PRH1: variants seen among roughly 807,000 people sequenced by gnomAD.
PRH1 encodes the protein salivary acidic proline-rich phosphoprotein 1/2.
A neutral mutation model predicts 7.9 loss-of-function variants in PRH1; 7 were observed. That is an observed-to-expected ratio of 0.89 (90% CI 0.50 to 1.67). PRH1 has a LOEUF of 1.67. Ranked by LOEUF, PRH1 falls within the 40% of genes most tolerant of loss-of-function variation. The pLI, the probability that PRH1 is intolerant of heterozygous loss-of-function variation, is 0.00. For synonymous variants in PRH1, 45 were observed against 80.8 expected (o/e 0.56, Z 2.38); for missense variants, 109 against 223.6 (o/e 0.49, Z 3.27).
intron 1 of PRH1, among the ~76,000 whole-genome samples, chr12:11,031,964 A>G (rs1245849880): frequency 2.0e-5 from 3 of 152,178 alleles, no homozygotes; most frequent in Non-Finnish European, 2.9e-5. Flanking sequence ...TTTACTTTTA[A>G]TTGTTGTGAC....
At chr12:11,156,725 TAAATA>T (rs1947260020) in intron 1 of PRH1, among the ~76,000 whole-genome samples, 2 of 152,274 alleles carry the variant, frequency 1.3e-5, no homozygotes, top group African/African-American at 4.8e-5. Flanking sequence ...TTTCTATGGA[TAAATA>T]AAATACTCAT....
At chr12:10,894,286 C>T (rs1198998497) in intron 2 of PRH1, among the ~76,000 whole-genome samples, 1 of 152,068 alleles carries the variant, frequency 6.6e-6, no homozygotes, top group Non-Finnish European at 1.5e-5. Context: ...CAGTACAAGT[C>T]TGTTGTAGAT....
rs200255722 is a variant in PRH1 at position 10,940,073 on chromosome 12, TC to T, written c.-59+33581del. Among the ~76,000 whole-genome samples the T allele has an allele frequency of 1.9e-3, 284 of 152,260 alleles. 2 individuals carry two copies. The highest frequency in any genetic ancestry group is 6.4e-3 in the African/African-American group (267 of 41,520). On this transcript the variant is annotated intron_variant, in intron 2 of 3. Coordinates refer to the PRH1 transcript ENST00000539853. ...AAGTTAAGTCTGTAAAGGGACTTAT[TC>T]ATAGTTATCCAAAGCTCCTCCTACA...
At chr12:10,984,474 T>G (rs561159117) in intron 1 of PRH1, among the ~76,000 whole-genome samples, 178 of 152,284 alleles carry the variant, frequency 1.2e-3, no homozygotes, top group African/African-American at 4.0e-3. Flanking sequence ...TCCCATATAG[T>G]TAGTTTACTG....
intron 2 of PRH1, among the ~76,000 whole-genome samples, chr12:10,950,607 T>C (rs996629319): frequency 2.0e-5 from 3 of 151,820 alleles, no homozygotes; most frequent in Admixed American, 6.6e-5. Flanking sequence ...TTTCTTGAAG[T>C]TTCAAATTCT....
chr12:11,089,381 G>C lies in PRH1; in HGVS notation n.124-42193C>G, dbSNP rs567475672. On this transcript the variant is annotated intron_variant and non_coding_transcript_variant, in intron 1 of 4. Transcript: ENST00000541977. ...ATTCTCCCTCCTCTCTCACTTCCAC[G>C]GACTAATGCCAGCTGTGGTTTCCCC... is the stretch of plus-strand genomic sequence containing the variant. Among the ~76,000 whole-genome samples the C allele has an allele frequency of 4.8e-4, 55 of 115,770 alleles. 17 individuals carry two copies. Among genetic ancestry groups the C allele is most frequent in the Non-Finnish European group, 9.2e-4 (45 of 48,868 alleles). 75.9% of individuals were successfully genotyped at this position (115,770 alleles called of 152,430 possible). A position where few individuals can be genotyped will look rare whatever the true frequency, so the allele number is the denominator to read the frequency against.
At chr12:10,927,454 C>G (rs1274287010) in intron 2 of PRH1, among the ~76,000 whole-genome samples, 1 of 152,152 alleles carries the variant, frequency 6.6e-6, no homozygotes, top group East Asian at 1.9e-4. Flanking sequence ...ACCCATCAAG[C>G]CCAGCTAAAA....
intron 1 of PRH1, among the ~76,000 whole-genome samples, chr12:11,043,771 A>T (rs999899103): frequency 3.3e-5 from 5 of 152,148 alleles, no homozygotes; most frequent in Non-Finnish European, 7.4e-5. Flanking sequence ...ACTATAAAAC[A>T]CTAATGCAAG....
chr12:11,054,848 G>A (rs1333025605), intron 1 of PRH1, among the ~76,000 whole-genome samples: 2 of 118,200 alleles, frequency 1.7e-5, no homozygotes, highest in African/African-American at 3.2e-5. Context: ...TGTCACCCAG[G>A]CTGGAGTGCA....
intron 1 of PRH1, among the ~76,000 whole-genome samples, chr12:11,056,273 C>T (rs1217394912): frequency 6.6e-6 from 1 of 152,282 alleles, no homozygotes; most frequent in Non-Finnish European, 1.5e-5. Flanking sequence ...GAAGAGTCTA[C>T]ACTTCTCTGT....
intron 1 of PRH1, among the ~76,000 whole-genome samples, chr12:11,020,834 G>A (rs1402477967): frequency 1.3e-5 from 2 of 151,972 alleles, no homozygotes; most frequent in African/African-American, 4.8e-5. Context: ...GAAATTCAGG[G>A]GCTCAAGGTG....
In PRH1 at chr12:10,903,931, C is replaced by CAAAAAAA. The variant is rs546066515; in HGVS notation, c.-58-19663_-58-19657dup. Among the ~76,000 whole-genome samples, 42 of 31,086 alleles carry CAAAAAAA rather than the reference C, an allele frequency of 1.4e-3. 2 individuals are homozygous for CAAAAAAA. Among genetic ancestry groups the CAAAAAAA allele is most frequent in the South Asian group, 2.5e-3 (1 of 406 alleles). 20.4% of individuals were successfully genotyped at this position (31,086 alleles called of 152,430 possible). Reference sequence around the variant, plus strand: ...AATGCAATCCCATTTACAATAGCCTCAAAAAAAAAAAAAAAAAAAAAAACA... The same window carrying CAAAAAAA: ...AATGCAATCCCATTTACAATAGCCTCAAAAAAAAAAAAAAAAAAAAAAAAAAAAAACA... On this transcript the variant is annotated intron_variant, in intron 2 of 3. Transcript: ENST00000539853.
intron 1 of PRH1, among the ~76,000 whole-genome samples, chr12:10,987,112 G>A (rs1939684293): frequency 6.6e-6 from 1 of 152,070 alleles, no homozygotes; most frequent in Non-Finnish European, 1.5e-5. Flanking sequence ...TTCAATGTCC[G>A]TTCTTGTGAT....
intron 1 of PRH1, among the ~76,000 whole-genome samples, chr12:11,084,232 CAAA>C: frequency 2.1e-5 from 1 of 46,790 alleles, no homozygotes; most frequent in African/African-American, 5.7e-5. Flanking sequence ...ACCCTTCTGC[CAAA>C]GTAAAGATGC....
intron 2 of PRH1, among the ~76,000 whole-genome samples, chr12:10,963,480 G>A (rs1938355141): frequency 6.6e-6 from 1 of 152,162 alleles, no homozygotes; most frequent in African/African-American, 2.4e-5. Context: ...TCATTTATGT[G>A]ATTTTTAAAA....
intron 1 of PRH1, among the ~76,000 whole-genome samples, chr12:11,105,936 C>CTTTTTTTT (rs765916131): frequency 8.4e-5 from 8 of 94,964 alleles, no homozygotes; most frequent in African/African-American, 2.2e-4. Flanking sequence ...ATAACTTATT[C>CTTTTTTTT]TTTTTTTTTT....
chr12:11,104,055 C>T (rs1409170847), intron 1 of PRH1, among the ~76,000 whole-genome samples: 1 of 152,022 alleles, frequency 6.6e-6, no homozygotes, highest in Non-Finnish European at 1.5e-5. Context: ...CTCCCCCATC[C>T]AACTTCATTG....
At chr12:11,035,334 T>A (rs2136110288) in intron 1 of PRH1, among the ~76,000 whole-genome samples, 1 of 152,352 alleles carries the variant, frequency 6.6e-6, no homozygotes, top group African/African-American at 2.4e-5. Flanking sequence ...CCTCTAGCCT[T>A]ATATTTTCTA....
chr12:11,091,518 A>G (rs3759245), intron 1 of PRH1: 94,357 of 1,280,436 alleles, frequency 0.074, 17,846 homozygotes, highest in Admixed American at 0.083. Context: ...TAAATGGCAC[A>G]TAACAAGAGG....
Sources: allele counts gnomAD v4.1 joint callset (sites outside exome capture counted in the v4.1 genomes callset), GRCh38; gene constraint gnomAD v4.1.1; transcripts MANE v1.5; gene names NCBI Gene and HGNC (gene_info 2026-07-23, HGNC 2026-07-21).